LDHB: variants seen among roughly 807,000 people sequenced by gnomAD.
The protein encoded by LDHB is lactate dehydrogenase B.
Under a neutral mutation model 33.4 loss-of-function variants are expected in LDHB, and 18 were observed. The observed-to-expected ratio is 0.54, with a 90% CI of 0.37 to 0.80. The LOEUF is 0.80. LDHB is among the 30% of genes least tolerant of loss of function. LDHB has a pLI of 0.00. For synonymous variants in LDHB, 121 were observed against 140.6 expected, an observed-to-expected ratio of 0.86 and a Z score of 0.98; for missense variants, 345 against 407.9, an observed-to-expected ratio of 0.85 and a Z score of 1.33.
At chr12:21,646,432 A>C (rs893508029) in intron 3 of LDHB, among the ~76,000 whole-genome samples, 1 of 152,230 alleles carries the variant, frequency 6.6e-6, no homozygotes, top group Non-Finnish European at 1.5e-5. Context: ...CTATGTGTAC[A>C]TTTTAGCAGT....
chr12:21,646,112 C>T (rs1938520288), intron 3 of LDHB, among the ~76,000 whole-genome samples: 1 of 152,148 alleles, frequency 6.6e-6, no homozygotes, highest in Admixed American at 6.5e-5. Context: ...TGAAAAGAAA[C>T]TGCCAACACC....
At chr12:21,653,949 A>T (rs2136983390) in intron 2 of LDHB, among the ~76,000 whole-genome samples, 1 of 152,300 alleles carries the variant, frequency 6.6e-6, no homozygotes, top group Non-Finnish European at 1.5e-5. Flanking sequence ...CAGGGGATTA[A>T]GTTCAGCAGT....
chr12:21,638,304 TAAGTA>T (rs1426661490), intron 6 of LDHB, 44 bp downstream of exon 6: 1 of 962,890 alleles, frequency 1.0e-6, no homozygotes, highest in Non-Finnish European at 1.7e-6. Flanking sequence ...TAATTTTATT[TAAGTA>T]GAGTTGAAAT....
Position 21,648,162 on chromosome 12 carries a change from C to T in LDHB, c.130-1146G>A, listed in dbSNP as rs1938580564. Reference sequence around the variant, plus strand: ...GTGGTTATCCCTCCTATTGAAACATCACCAGAGTCCTTGCTCTTACTGTTT... The same window carrying T: ...GTGGTTATCCCTCCTATTGAAACATTACCAGAGTCCTTGCTCTTACTGTTT... On this transcript the variant is annotated intron_variant, in intron 2 of 7. Transcript: ENST00000350669. 3.3e-5 allele frequency among the ~76,000 whole-genome samples: 5 copies of T among 152,234 alleles called. No individual in the cohort carries two copies. In the South Asian group the frequency reaches 1.0e-3, roughly 32 times the overall value.
At chr12:21,647,686 C>CAAG (rs1938563160) in intron 2 of LDHB, among the ~76,000 whole-genome samples, 2 of 152,010 alleles carry the variant, frequency 1.3e-5, no homozygotes, top group Non-Finnish European at 2.9e-5. Flanking sequence ...GATCTGGAGT[C>CAAG]ATATTTTTTT....
intron 2 of LDHB, among the ~76,000 whole-genome samples, chr12:21,650,581 C>T (rs563498419): frequency 6.6e-6 from 1 of 152,268 alleles, no homozygotes; most frequent in South Asian, 2.1e-4. Context: ...CTTCATGACC[C>T]TTACAACATG....
In LDHB at chr12:21,635,550, C is replaced by G; in HGVS notation, c.997G>C (p.Asp333His). 1 of 1,611,860 alleles carries G rather than the reference C, an allele frequency of 6.2e-7. No homozygotes were observed. The highest frequency in any genetic ancestry group is 1.1e-5 in the South Asian group (1 of 91,002). Residue 333 changes from aspartate (D) to histidine (H), a missense_variant, in exon 8 of 8, where the codon GAC (aspartate) becomes CAC (histidine). Asp to His is a moderately conservative substitution (Grantham distance 81). Coordinates refer to ENST00000350669, the MANE Select transcript of LDHB (RefSeq NM_002300.8). ...AGCCTAGAGCTCACTAGTCACAGGTCTTTTAGGTCCTTCTGGATGTCCCAC... is the reference window on the plus strand; with the variant it reads ...AGCCTAGAGCTCACTAGTCACAGGTGTTTTAGGTCCTTCTGGATGTCCCAC... Reference protein sequence around the residue: ...TLWDIQKDLKDL With the variant: ...TLWDIQKDLKHL
At chr12:21,639,072 G>A (rs1938291777) in intron 5 of LDHB, among the ~76,000 whole-genome samples, 1 of 151,862 alleles carries the variant, frequency 6.6e-6, no homozygotes, top group Admixed American at 6.6e-5. Flanking sequence ...CTGGAAATAG[G>A]AGCAAAAGTG....
rs1938906613 is a variant in LDHB, at chr12:21,657,826, G to C, written c.-82C>G. On this transcript the variant is annotated 5_prime_UTR_variant, in exon 1 of 8. Coordinates refer to ENST00000350669, the MANE Select transcript of LDHB (RefSeq NM_002300.8). Reference sequence around the variant, plus strand: ...AAAGTCAGCTGCGTGCGTCTCCTCCGGCGCCGGCTCTGCAAGGAGGGAGGA... The same window carrying C: ...AAAGTCAGCTGCGTGCGTCTCCTCCCGCGCCGGCTCTGCAAGGAGGGAGGA... 6.6e-6 allele frequency: 1 copy of C among 152,472 alleles called. No homozygotes were observed. 9.4% of individuals were successfully genotyped at this position (152,472 alleles called of 1,614,324 possible).
At chr12:21,655,525 A>G (rs1376704936) in intron 1 of LDHB, among the ~76,000 whole-genome samples, 3 of 152,278 alleles carry the variant, frequency 2.0e-5, no homozygotes, top group East Asian at 3.8e-4. Flanking sequence ...CATACTTAAT[A>G]CATAGTGACA....
chr12:21,644,441 A>C (rs1236157244), intron 3 of LDHB, among the ~76,000 whole-genome samples: 1 of 146,930 alleles, frequency 6.8e-6, no homozygotes, highest in African/African-American at 2.5e-5. Context: ...AAAAAAAAAA[A>C]AAAACAAAAA....
intron 2 of LDHB, among the ~76,000 whole-genome samples, chr12:21,653,318 A>G (rs995724178): frequency 6.6e-6 from 1 of 152,172 alleles, no homozygotes; most frequent in African/African-American, 2.4e-5. Context: ...CGTACTCTAA[A>G]ACAGGGGTCC....
intron 6 of LDHB, among the ~76,000 whole-genome samples, chr12:21,637,627 C>G (rs1275024106): frequency 2.0e-5 from 3 of 152,064 alleles, no homozygotes; most frequent in African/African-American, 7.2e-5. Flanking sequence ...ATAAGAGTAT[C>G]TTGCCTGACA....
intron 1 of LDHB, chr12:21,657,268 T>G (rs1318838864): frequency 6.6e-6 from 1 of 152,154 alleles, no homozygotes; most frequent in East Asian, 1.9e-4. Flanking sequence ...AACGTGCTGG[T>G]CATCTAGGTG....
At chr12:21,640,430 C>T (rs1447778655) in intron 5 of LDHB, among the ~76,000 whole-genome samples, 1 of 151,594 alleles carries the variant, frequency 6.6e-6, no homozygotes, top group Non-Finnish European at 1.5e-5. Flanking sequence ...ATTTAAGTTC[C>T]TAAAGAAACT....
At chr12:21,649,653 A>G (rs938406251) in intron 2 of LDHB, among the ~76,000 whole-genome samples, 7 of 137,614 alleles carry the variant, frequency 5.1e-5, no homozygotes, top group Non-Finnish European at 9.3e-5. Flanking sequence ...ATTTATTTTT[A>G]CTCTACTCCT....
At chr12:21,643,156 A>G (rs904158391) in intron 4 of LDHB, among the ~76,000 whole-genome samples, 3 of 152,232 alleles carry the variant, frequency 2.0e-5, no homozygotes, top group South Asian at 4.1e-4. Context: ...CTCAACTCTC[A>G]ATACTCAAGA....
chr12:21,652,428 A>C (rs760998571), intron 2 of LDHB, among the ~76,000 whole-genome samples: 3 of 152,202 alleles, frequency 2.0e-5, no homozygotes, highest in Non-Finnish European at 2.9e-5. Context: ...AGGTTGTTTA[A>C]AATAAAGTAT....
chr12:21,653,223 G>A (rs1305889919), intron 2 of LDHB, among the ~76,000 whole-genome samples: 1 of 152,170 alleles, frequency 6.6e-6, no homozygotes, highest in Non-Finnish European at 1.5e-5. Flanking sequence ...GAAGTGGAAG[G>A]TGATAATAGA....
Sources: allele counts gnomAD v4.1 joint callset (sites outside exome capture counted in the v4.1 genomes callset), GRCh38; gene constraint gnomAD v4.1.1; transcripts MANE v1.5; gene names NCBI Gene and HGNC (gene_info 2026-07-23, HGNC 2026-07-21).